The following RFFL variants were observed in gnomAD, a reference collection of about 807,000 sequenced individuals.
RFFL encodes E3 ubiquitin-protein ligase rififylin.
RFFL carries 16 observed loss-of-function variants against 40.4 expected under a neutral mutation model. The ratio of observed to expected loss-of-function variants is 0.40; its 90% CI spans 0.27 to 0.60. The LOEUF is 0.60. Ranked by LOEUF, RFFL falls within the 20% of genes least tolerant of loss-of-function variation. The pLI is 0.47. For missense variants in RFFL, 367 were observed against 451.7 expected (o/e 0.81, Z 1.70); for synonymous variants, 154 against 167.9 (o/e 0.92, Z 0.64).
chr17:35,088,440 T>C (rs769901089), intron 1 of RFFL, among the ~76,000 whole-genome samples: 1 of 152,216 alleles, frequency 6.6e-6, no homozygotes, highest in Non-Finnish European at 1.5e-5. Context: ...GCGGAGGCTC[T>C]GGCTCCCCTG....
chr17:35,028,308 A>G (rs2091057028), intron 1 of RFFL, among the ~76,000 whole-genome samples: 1 of 151,862 alleles, frequency 6.6e-6, no homozygotes, highest in Non-Finnish European at 1.5e-5. Flanking sequence ...GCACAACTAC[A>G]CTCCAGCCTG....
chr17:35,052,508 G>GCAAAATCT (rs2091237585), intron 1 of RFFL, among the ~76,000 whole-genome samples: 1 of 152,092 alleles, frequency 6.6e-6, no homozygotes, highest in African/African-American at 2.4e-5. Flanking sequence ...AAAAAAAAGG[G>GCAAAATCT]GGTGGTAAAG....
In RFFL at chr17:35,082,849, A is replaced by C. The variant is rs149542579; in HGVS notation, c.-9+6256T>G. ...AAAAAACTGAAGCTCACAGAGGTTA[A>C]GTAATTTGCCTAAGGTAGCACAGCC... is the stretch of plus-strand genomic sequence containing the variant. On this transcript the variant is annotated intron_variant, in intron 1 of 6. Transcript: ENST00000315249. Among the ~76,000 whole-genome samples the C allele has an allele frequency of 4.0e-3, 610 of 152,340 alleles. 6 individuals carry two copies. The highest frequency in any genetic ancestry group is 0.013 in the African/African-American group (546 of 41,574).
rs907551188 is a variant in RFFL at position 35,008,758 on chromosome 17, A to G, written c.*3210T>C. 6.6e-6 allele frequency: 1 copy of G among 151,970 alleles called. No individual in the cohort carries two copies. The highest frequency in any genetic ancestry group is 1.5e-5 in the Non-Finnish European group (1 of 68,000). 9.4% of individuals were successfully genotyped at this position (151,970 alleles called of 1,614,324 possible). On this transcript the variant is annotated 3_prime_UTR_variant, in exon 7 of 7. Transcript: ENST00000394597. ...ACCATTCTCCTGCCTCAGCCTCCCG[A>G]GTAGCTGGGACTACAGGCACCCGCC...
At chr17:35,020,076 C>T (rs947976964) in intron 3 of RFFL, among the ~76,000 whole-genome samples, 2 of 152,196 alleles carry the variant, frequency 1.3e-5, no homozygotes, top group African/African-American at 2.4e-5. Context: ...CATGGTATCA[C>T]GCATTCAGGT....
At position 35,021,697 on chromosome 17, in the gene RFFL, G is replaced by C; in HGVS notation, c.265C>G (p.Gln89Glu). Residue 89 changes from glutamine (Q) to glutamate (E), a missense_variant, in exon 3 of 7, where the codon CAA (glutamine) becomes GAA (glutamate). Coordinates refer to ENST00000394597, the MANE Select transcript of RFFL (RefSeq NM_001017368.2). ...TGAAAGGCTGTAGCTCGAAACCGTTGGCAGAGAAGGCAGAGGCGGGGCCCA... is the reference window on the plus strand; with the variant it reads ...TGAAAGGCTGTAGCTCGAAACCGTTCGCAGAGAAGGCAGAGGCGGGGCCCA... ...GNGPRLCLLC[Q>E]RFRATAFQRE... 1 of 1,614,210 alleles carries C rather than the reference G, an allele frequency of 6.2e-7. No individual in the cohort carries two copies. The highest frequency in any genetic ancestry group is 1.1e-5 in the South Asian group (1 of 91,090).
chr17:35,082,405 A>C (rs2091407091), intron 1 of RFFL, among the ~76,000 whole-genome samples: 1 of 152,244 alleles, frequency 6.6e-6, no homozygotes, highest in African/African-American at 2.4e-5. Context: ...CTACCGTCCA[A>C]ATACAGATGG....
chr17:35,038,704 A>C (rs999884945), intron 1 of RFFL, among the ~76,000 whole-genome samples: 8 of 152,258 alleles, frequency 5.3e-5, no homozygotes, highest in Non-Finnish European at 1.0e-4. Flanking sequence ...AAAAACAGGC[A>C]AACTATGGTG....
chr17:35,071,901 T>C (rs2142378008), intron 1 of RFFL, among the ~76,000 whole-genome samples: 1 of 152,158 alleles, frequency 6.6e-6, no homozygotes, highest in South Asian at 2.1e-4. Flanking sequence ...TGCCACACAA[T>C]AACTTGGATG....
At chr17:35,029,218 C>T (rs747981723) in intron 1 of RFFL, among the ~76,000 whole-genome samples, 4 of 151,656 alleles carry the variant, frequency 2.6e-5, no homozygotes, top group Non-Finnish European at 5.9e-5. Context: ...ATTAACAGTT[C>T]ACATGGAATA....
chr17:35,033,772 C>G lies in RFFL; in HGVS notation c.-8-7211G>C, dbSNP rs147936287. On this transcript the variant is annotated intron_variant, in intron 1 of 6. Transcript: ENST00000394597. Reference sequence around the variant, plus strand: ...CTATAATCCCAGCATGTTGGGAGGCCAAGGCAGGAGAATCGCTTGAGGCCA... The same window carrying G: ...CTATAATCCCAGCATGTTGGGAGGCGAAGGCAGGAGAATCGCTTGAGGCCA... Among the ~76,000 whole-genome samples, 191 of 151,892 alleles carry G rather than the reference C, an allele frequency of 1.3e-3. 6 individuals are homozygous for G. In the East Asian group the frequency reaches 0.032, roughly 25 times the overall value.
intron 1 of RFFL, among the ~76,000 whole-genome samples, chr17:35,055,152 T>C (rs1011007033): frequency 5.3e-4 from 81 of 152,062 alleles, no homozygotes; most frequent in African/African-American, 1.7e-3. Flanking sequence ...TCTCCTGACC[T>C]CGTGATCCAC....
intron 2 of RFFL, among the ~76,000 whole-genome samples, chr17:35,022,652 T>C (rs1378836420): frequency 6.6e-6 from 1 of 150,450 alleles, no homozygotes; most frequent in South Asian, 2.1e-4. Context: ...ATAGCTCAGT[T>C]CCATTCAAGT....
intron 1 of RFFL, among the ~76,000 whole-genome samples, chr17:35,034,889 C>T (rs2091110599): frequency 6.6e-6 from 1 of 152,088 alleles, no homozygotes; most frequent in Admixed American, 6.6e-5. Context: ...AAAGTGATTT[C>T]GACTAGGTCT....
upstream of RFFL, among the ~76,000 whole-genome samples, chr17:35,066,676 T>C (rs1222627022): frequency 6.6e-6 from 1 of 152,156 alleles, no homozygotes; most frequent in Non-Finnish European, 1.5e-5. Flanking sequence ...TCTACTTCCC[T>C]ACCCCCAGCA....
intron 1 of RFFL, among the ~76,000 whole-genome samples, chr17:35,082,736 T>C (rs1008470949): frequency 5.3e-5 from 8 of 152,216 alleles, no homozygotes; most frequent in Admixed American, 2.0e-4. Flanking sequence ...ACAAAAAACA[T>C]ATTTTTCTCT....
At chr17:35,016,287 G>A (rs1359279351) in intron 5 of RFFL, 83 bp downstream of exon 5, 1 of 1,209,998 alleles carries the variant, frequency 8.3e-7, no homozygotes, top group Non-Finnish European at 1.2e-6. Context: ...TGTGGAAATT[G>A]AGTCAGGTCA....
intron 1 of RFFL, among the ~76,000 whole-genome samples, chr17:35,073,223 C>T (rs1162413847): frequency 1.3e-5 from 2 of 152,144 alleles, no homozygotes; most frequent in African/African-American, 2.4e-5. Context: ...TACATTCAGG[C>T]ACTACCTGTG....
chr17:35,059,993 C>T (rs1226573656), intron 1 of RFFL, among the ~76,000 whole-genome samples: 1 of 152,122 alleles, frequency 6.6e-6, no homozygotes, highest in Admixed American at 6.5e-5. Flanking sequence ...TTCTCATAGT[C>T]CCAAATATGG....
Sources: allele counts gnomAD v4.1 joint callset (sites outside exome capture counted in the v4.1 genomes callset), GRCh38; gene constraint gnomAD v4.1.1; transcripts MANE v1.5; gene names NCBI Gene and HGNC (gene_info 2026-07-23, HGNC 2026-07-21).